The following CAMK1D variants were observed in gnomAD, a reference collection of about 807,000 sequenced individuals.
The protein encoded by CAMK1D is calcium/calmodulin dependent protein kinase ID.
In CAMK1D, 9 loss-of-function variants were observed where a neutral mutation model predicts 47.7. That is an observed-to-expected ratio of 0.19 (90% CI 0.11 to 0.33). The LOEUF is 0.33. CAMK1D is among the 10% of genes least tolerant of loss of function. The probability of loss-of-function intolerance (pLI) is 1.00; values close to 1 mark genes in which losing one functional copy is unlikely to be tolerated. For missense variants in CAMK1D, 291 were observed against 488.7 expected, an observed-to-expected ratio of 0.60 and a Z score of 3.81; for synonymous variants, 184 against 184.9, an observed-to-expected ratio of 0.99 and a Z score of 0.04.
At chr10:12,633,659 C>G (rs752520150) in intron 2 of CAMK1D, among the ~76,000 whole-genome samples, 1 of 151,922 alleles carries the variant, frequency 6.6e-6, no homozygotes, top group Non-Finnish European at 1.5e-5. Context: ...TGGGCTCAAG[C>G]GATCCACCCA....
chr10:12,544,462 C>G (rs1042899824), intron 1 of CAMK1D, among the ~76,000 whole-genome samples: 1 of 152,174 alleles, frequency 6.6e-6, no homozygotes, highest in Non-Finnish European at 1.5e-5. Context: ...GAGAAAATAT[C>G]ATAAATTAAC....
intron 1 of CAMK1D, among the ~76,000 whole-genome samples, chr10:12,478,444 G>A (rs1038502631): frequency 6.6e-6 from 1 of 152,050 alleles, no homozygotes; most frequent in African/African-American, 2.4e-5. Flanking sequence ...TGGGACTACA[G>A]ACATGTACCA....
chr10:12,698,115 C>T (rs577614253), intron 3 of CAMK1D, among the ~76,000 whole-genome samples: 263 of 152,250 alleles, frequency 1.7e-3, no homozygotes, highest in Non-Finnish European at 2.9e-3. Context: ...CGTTGTCAGG[C>T]GTAATACAGT....
chr10:12,749,102 C>A (rs900860790), intron 3 of CAMK1D, among the ~76,000 whole-genome samples: 1 of 152,210 alleles, frequency 6.6e-6, no homozygotes, highest in Non-Finnish European at 1.5e-5. Flanking sequence ...CACACCTTGA[C>A]TGATAGTCTT....
At chr10:12,524,927 AT>A (rs1329497562) in intron 1 of CAMK1D, among the ~76,000 whole-genome samples, 1 of 151,886 alleles carries the variant, frequency 6.6e-6, no homozygotes, top group East Asian at 1.9e-4. Flanking sequence ...CTGATAAAGT[AT>A]TTTTTTCTGT....
At chr10:12,535,127 T>C (rs549438379) in intron 1 of CAMK1D, among the ~76,000 whole-genome samples, 3 of 152,284 alleles carry the variant, frequency 2.0e-5, no homozygotes, top group Non-Finnish European at 2.9e-5. Flanking sequence ...CAGTCCCTGC[T>C]ACAGCCCATC....
intron 1 of CAMK1D, among the ~76,000 whole-genome samples, chr10:12,480,440 C>CA (rs67727954): frequency 0.14 from 20,670 of 150,542 alleles, 1,538 homozygotes; most frequent in Non-Finnish European, 0.18. Flanking sequence ...ATCTCAAAAA[C>CA]AAAAAACAAA....
chr10:12,784,941 G>A (rs1488371697), intron 5 of CAMK1D, among the ~76,000 whole-genome samples: 1 of 152,186 alleles, frequency 6.6e-6, no homozygotes, highest in Non-Finnish European at 1.5e-5. Flanking sequence ...ATTTGACAGT[G>A]GGATTTATGC....
chr10:12,563,079 C>G lies in CAMK1D; in HGVS notation c.224+9723C>G, dbSNP rs189083487. ...TAATTCTGGAGGCTGAGAAGCTCCACAATCCACCATCTGCAAACTGGAGAC... is the reference window on the plus strand; with the variant it reads ...TAATTCTGGAGGCTGAGAAGCTCCAGAATCCACCATCTGCAAACTGGAGAC... On this transcript the variant is annotated intron_variant, in intron 2 of 10. Transcript: ENST00000619168. 4.6e-5 allele frequency among the ~76,000 whole-genome samples: 7 copies of G among 152,370 alleles called. No homozygotes were observed. The East Asian group carries it at 1.3e-3, about 29-fold the overall frequency.
intron 1 of CAMK1D, among the ~76,000 whole-genome samples, chr10:12,406,815 G>A (rs895038707): frequency 1.3e-5 from 2 of 150,014 alleles, no homozygotes; most frequent in Non-Finnish European, 2.9e-5. Flanking sequence ...CCATTGCTGC[G>A]TAATAAGTCT....
chr10:12,552,033 A>T (rs953153188), intron 1 of CAMK1D, among the ~76,000 whole-genome samples: 2 of 152,188 alleles, frequency 1.3e-5, no homozygotes, highest in Admixed American at 6.5e-5. Flanking sequence ...CACAGAGCCC[A>T]AGTTGCTGGG....
intron 2 of CAMK1D, among the ~76,000 whole-genome samples, chr10:12,581,350 C>G: frequency 6.6e-6 from 1 of 152,136 alleles, no homozygotes; most frequent in East Asian, 1.9e-4. Flanking sequence ...TATAAACATG[C>G]ATGTGCAAGT....
At chr10:12,816,638 A>T (rs1175932724) in intron 8 of CAMK1D, among the ~76,000 whole-genome samples, 1 of 152,018 alleles carries the variant, frequency 6.6e-6, no homozygotes, top group Non-Finnish European at 1.5e-5. Context: ...TGGGAGGCTG[A>T]GGTGGGTGGA....
At chr10:12,741,452 C>T (rs563138936) in intron 3 of CAMK1D, among the ~76,000 whole-genome samples, 21 of 152,338 alleles carry the variant, frequency 1.4e-4, no homozygotes, top group Non-Finnish European at 2.6e-4. Flanking sequence ...GCGAGGGCCG[C>T]CCTCTTGGCT....
chr10:12,505,846 G>T (rs969728985), intron 1 of CAMK1D, among the ~76,000 whole-genome samples: 2 of 147,344 alleles, frequency 1.4e-5, no homozygotes, highest in Non-Finnish European at 3.0e-5. Context: ...ATGATTTTCA[G>T]ACAGCTGTCA....
chr10:12,380,555 A>G (rs1838308293), intron 1 of CAMK1D, among the ~76,000 whole-genome samples: 1 of 152,138 alleles, frequency 6.6e-6, no homozygotes, highest in African/African-American at 2.4e-5. Context: ...CCAAGTCAAT[A>G]TATGTTTAAG....
At chr10:12,812,485 A>G (rs1240166298) in intron 6 of CAMK1D, among the ~76,000 whole-genome samples, 2 of 152,146 alleles carry the variant, frequency 1.3e-5, no homozygotes, top group Non-Finnish European at 2.9e-5. Flanking sequence ...GCATGCTGGC[A>G]GGCACCTGTA....
intron 1 of CAMK1D, among the ~76,000 whole-genome samples, chr10:12,361,248 G>GTTTTTTTTTTTTTT (rs55700646): frequency 5.8e-5 from 7 of 120,068 alleles, no homozygotes; most frequent in South Asian, 2.8e-4. Flanking sequence ...CTATTTGACT[G>GTTTTTTTTTTTTTT]TTTTTTTTTT....
intron 3 of CAMK1D, among the ~76,000 whole-genome samples, chr10:12,674,114 T>C (rs893817846): frequency 6.6e-6 from 1 of 152,112 alleles, no homozygotes; most frequent in East Asian, 1.9e-4. Context: ...CCTGGCTAAT[T>C]ACTTTTACTT....
Sources: allele counts gnomAD v4.1 joint callset (sites outside exome capture counted in the v4.1 genomes callset), GRCh38; gene constraint gnomAD v4.1.1; transcripts MANE v1.5; gene names NCBI Gene and HGNC (gene_info 2026-07-23, HGNC 2026-07-21).